Variants in ELP4 observed in about 807,000 individuals in gnomAD.
The protein encoded by ELP4 is elongator acetyltransferase complex subunit 4, also known as elongator complex protein 4.
Under a neutral mutation model 48.9 loss-of-function variants are expected in ELP4, and 51 were observed. That is an observed-to-expected ratio of 1.04 (90% CI 0.83 to 1.32). The LOEUF is 1.32. Ranked by LOEUF, ELP4 falls within the 40% of genes most tolerant of loss-of-function variation. The probability of loss-of-function intolerance (pLI) is 0.00; values close to 1 mark genes in which losing one functional copy is unlikely to be tolerated. For synonymous variants in ELP4, 210 were observed against 189.2 expected (o/e 1.11, Z -0.90); for missense variants, 519 against 514.6 (o/e 1.01, Z -0.08).
rs545960601 is a variant in ELP4 at position 31,764,190 on chromosome 11, G to A, written c.1144-19203G>A. Among the ~76,000 whole-genome samples, 25 of 152,204 alleles carry A rather than the reference G, an allele frequency of 1.6e-4. No individual in the cohort carries two copies. In the South Asian group the frequency reaches 4.8e-3, roughly 29 times the overall value. On this transcript the variant is annotated intron_variant, in intron 9 of 9. Coordinates refer to ENST00000640961, the MANE Select transcript of ELP4 (RefSeq NM_019040.5). ...GCGATAATGTCTATTTTATACCTAG[G>A]TGGACAAACACAATTAAAGGCTGGT...
At chr11:31,593,415 T>C (rs1466208934) in intron 3 of ELP4, among the ~76,000 whole-genome samples, 2 of 152,104 alleles carry the variant, frequency 1.3e-5, no homozygotes, top group African/African-American at 4.8e-5. Context: ...CTAATCTTTT[T>C]GTATTTTTTG....
chr11:31,678,503 G>A (rs879772399), intron 9 of ELP4, among the ~76,000 whole-genome samples: 7,753 of 28,108 alleles, frequency 0.28, 247 homozygotes, highest in South Asian at 0.5. Flanking sequence ...GTATGTGTGT[G>A]TGTGTGTGTG....
intron 9 of ELP4, among the ~76,000 whole-genome samples, chr11:31,678,491 A>ATG (rs1412303062): frequency 6.6e-4 from 31 of 46,622 alleles, no homozygotes; most frequent in African/African-American, 1.3e-3. Context: ...GCATACATAT[A>ATG]TGTATGTGTG....
At chr11:31,529,800 A>C (rs1024699799) in intron 2 of ELP4, among the ~76,000 whole-genome samples, 1 of 152,194 alleles carries the variant, frequency 6.6e-6, no homozygotes, top group African/African-American at 2.4e-5. Context: ...TAGTGGCCCC[A>C]AAAACACTAG....
chr11:31,612,193 G>T (rs969764824), intron 5 of ELP4, among the ~76,000 whole-genome samples: 1 of 152,048 alleles, frequency 6.6e-6, no homozygotes, highest in African/African-American at 2.4e-5. Context: ...TTATTTAAAT[G>T]TCAATGCAAA....
chr11:31,663,590 A>C (rs906260076), intron 9 of ELP4: 7 of 152,046 alleles, frequency 4.6e-5, no homozygotes, highest in African/African-American at 1.4e-4. Flanking sequence ...AAAAACTTTA[A>C]CTGTTCATTA....
chr11:31,715,191 A>G (rs1007087409), intron 9 of ELP4: 7 of 161,342 alleles, frequency 4.3e-5, no homozygotes, highest in Non-Finnish European at 6.7e-5. Flanking sequence ...TAAATGCTGT[A>G]AATTAAAATT....
chr11:31,610,292 TAGAA>T (rs1039473285), intron 5 of ELP4, among the ~76,000 whole-genome samples: 2 of 152,082 alleles, frequency 1.3e-5, no homozygotes, highest in African/African-American at 2.4e-5. Context: ...TTTGAAAATT[TAGAA>T]AGAGGACTAT....
intron 3 of ELP4, among the ~76,000 whole-genome samples, chr11:31,562,150 A>G (rs900839916): frequency 1.8e-4 from 28 of 152,320 alleles, no homozygotes; most frequent in African/African-American, 6.3e-4. Flanking sequence ...GATAGAACCC[A>G]GGGATTAATT....
At position 31,632,311 on chromosome 11, in the gene ELP4, G is replaced by C; in HGVS notation, c.833G>C (p.Ser278Thr). 6.2e-7 allele frequency: 1 copy of C among 1,613,478 alleles called. No homozygotes were observed. Among genetic ancestry groups the C allele is most frequent in the Non-Finnish European group, 8.5e-7 (1 of 1,179,700 alleles). ...DICCAENGGN[S>T]HSLTKFLYVL... ...TGCTGTGCAGAAAATGGTGGCAACA[G>C]TCACAGCCTTACCAAGTTCCTCTAT... Residue 278 changes from serine to threonine, a missense_variant, in exon 7 of 10, where the codon AGT (serine) becomes ACT (threonine). Coordinates refer to ENST00000640961, the MANE Select transcript of ELP4 (RefSeq NM_019040.5).
chr11:31,781,688 G>T (rs969240853), intron 9 of ELP4, among the ~76,000 whole-genome samples: 1 of 151,474 alleles, frequency 6.6e-6, no homozygotes, highest in Non-Finnish European at 1.5e-5. Flanking sequence ...TAGTAGAGAC[G>T]GGATTTCACC....
chr11:31,773,325 A>G (rs1294795866), intron 9 of ELP4, among the ~76,000 whole-genome samples: 3 of 152,234 alleles, frequency 2.0e-5, no homozygotes, highest in Non-Finnish European at 4.4e-5. Context: ...GAAAGTTTAT[A>G]GAAGAAAATG....
intron 9 of ELP4, among the ~76,000 whole-genome samples, chr11:31,770,071 G>C (rs560564356): frequency 6.6e-6 from 1 of 152,048 alleles, no homozygotes; most frequent in African/African-American, 2.4e-5. Context: ...TTCTAGTTAC[G>C]GCAATAGCAG....
At chr11:31,625,405 A>G (rs1271277301) in intron 5 of ELP4, among the ~76,000 whole-genome samples, 1 of 151,840 alleles carries the variant, frequency 6.6e-6, no homozygotes, top group Non-Finnish European at 1.5e-5. Context: ...TGGAATCAAC[A>G]TAAGTGTTCA....
chr11:31,756,892 C>T (rs897981014), intron 9 of ELP4, among the ~76,000 whole-genome samples: 16 of 152,154 alleles, frequency 1.1e-4, no homozygotes, highest in East Asian at 5.8e-4. Flanking sequence ...CTGTCCACTG[C>T]GGCATAAACG....
intron 3 of ELP4, among the ~76,000 whole-genome samples, chr11:31,554,100 C>T (rs1025001032): frequency 6.6e-6 from 1 of 152,218 alleles, no homozygotes; most frequent in Non-Finnish European, 1.5e-5. Context: ...CCCATCACCC[C>T]TGTCTAGCTG....
At chr11:31,512,163 T>G (rs1339693741) in intron 1 of ELP4, 1 of 152,202 alleles carries the variant, frequency 6.6e-6, no homozygotes, top group Non-Finnish European at 1.5e-5. Flanking sequence ...AAGCCTAATA[T>G]GACTATATTG....
At chr11:31,565,610 G>A (rs1040096302) in intron 3 of ELP4, among the ~76,000 whole-genome samples, 2 of 145,650 alleles carry the variant, frequency 1.4e-5, no homozygotes, top group African/African-American at 5.4e-5. Context: ...AGTTTTCCCA[G>A]CACCATTTAT....
rs535948863 is a variant in ELP4 at position 31,739,144 on chromosome 11, A to C, written c.1144-44249A>C. Among the ~76,000 whole-genome samples, 3 of 152,286 alleles carry C rather than the reference A, an allele frequency of 2.0e-5. No homozygotes were observed. In the South Asian group the frequency reaches 6.2e-4, roughly 32 times the overall value. On this transcript the variant is annotated intron_variant, in intron 9 of 9. Coordinates refer to ENST00000640961, the MANE Select transcript of ELP4 (RefSeq NM_019040.5). Reference sequence around the variant, plus strand: ...TCTCATACACCAATATTCTCATGACAAATGGGGAATGTTAGGATGAGACAG... The same window carrying C: ...TCTCATACACCAATATTCTCATGACCAATGGGGAATGTTAGGATGAGACAG...
Sources: gnomAD v4.1 joint callset for allele counts (sites outside exome capture counted in the v4.1 genomes callset) on GRCh38, gnomAD v4.1.1 for gene constraint, MANE v1.5 for transcripts, NCBI Gene and HGNC (gene_info 2026-07-23, HGNC 2026-07-21) for gene names.